NEK7: variants seen among roughly 807,000 people sequenced by gnomAD.
The protein encoded by NEK7 is serine/threonine-protein kinase Nek7.
Under a neutral mutation model 44.6 loss-of-function variants are expected in NEK7, and 18 were observed. The ratio of observed to expected loss-of-function variants is 0.40; its 90% CI spans 0.28 to 0.60. The LOEUF (loss-of-function observed/expected upper bound fraction) is 0.60, where lower values mean the gene tolerates loss of function less well. Ranked by LOEUF, NEK7 falls within the 20% of genes least tolerant of loss-of-function variation. The pLI is 0.38. For synonymous variants in NEK7, 130 were observed against 121.1 expected (o/e 1.07, Z -0.48); for missense variants, 256 against 366.5 (o/e 0.70, Z 2.46).
intron 1 of NEK7, among the ~76,000 whole-genome samples, chr1:198,228,765 T>G (rs537935282): frequency 6.6e-6 from 1 of 152,218 alleles, no homozygotes; most frequent in Non-Finnish European, 1.5e-5. Flanking sequence ...AAGGAGATTT[T>G]GGGCTGAGAC....
intron 1 of NEK7, among the ~76,000 whole-genome samples, chr1:198,228,726 G>T (rs534376740): frequency 6.6e-6 from 1 of 152,272 alleles, no homozygotes; most frequent in East Asian, 1.9e-4. Context: ...TTTGTATCCT[G>T]AGACTTTGCT....
At chr1:198,288,283 T>C (rs979154269) in intron 7 of NEK7, among the ~76,000 whole-genome samples, 1 of 152,240 alleles carries the variant, frequency 6.6e-6, no homozygotes, top group East Asian at 1.9e-4. Context: ...GGAGCTATTA[T>C]CTAATTTTAA....
intron 1 of NEK7, among the ~76,000 whole-genome samples, chr1:198,213,513 T>G (rs1199923576): frequency 6.6e-6 from 1 of 152,162 alleles, no homozygotes; most frequent in African/African-American, 2.4e-5. Context: ...CCTGGAACAC[T>G]TCAGGGTTAC....
At chr1:198,306,170 C>A (rs1043391995) in intron 9 of NEK7, among the ~76,000 whole-genome samples, 1 of 152,036 alleles carries the variant, frequency 6.6e-6, no homozygotes, top group East Asian at 1.9e-4. Flanking sequence ...TGCATAGAGT[C>A]GTTCATAAAT....
At chr1:198,242,656 G>T (rs1269653452) in intron 2 of NEK7, among the ~76,000 whole-genome samples, 1 of 151,178 alleles carries the variant, frequency 6.6e-6, no homozygotes, top group Non-Finnish European at 1.5e-5. Flanking sequence ...TACGGACGGG[G>T]TTTCACTGTG....
At chr1:198,179,798 A>AGTGT (rs10554737) in intron 1 of NEK7, among the ~76,000 whole-genome samples, 2 of 150,818 alleles carry the variant, frequency 1.3e-5, no homozygotes, top group Middle Eastern at 6.9e-3. Context: ...GTTACACAGG[A>AGTGT]GTGTGTGTGT....
At chr1:198,254,632 T>G (rs1018990907) in intron 3 of NEK7, among the ~76,000 whole-genome samples, 7 of 152,192 alleles carry the variant, frequency 4.6e-5, no homozygotes, top group African/African-American at 1.7e-4. Context: ...TTCTCTGATA[T>G]TCTCATGTCT....
chr1:198,259,453 C>T (rs1275698058), intron 3 of NEK7, among the ~76,000 whole-genome samples: 1 of 152,020 alleles, frequency 6.6e-6, no homozygotes, highest in African/African-American at 2.4e-5. Context: ...ACAAAAATAC[C>T]AGGAATTACA....
chr1:198,317,978 C>CTG (rs1174699274), intron 9 of NEK7, among the ~76,000 whole-genome samples: 1 of 133,806 alleles, frequency 7.5e-6, no homozygotes, highest in Admixed American at 8.8e-5. Flanking sequence ...TTGTGTATTG[C>CTG]TGTACCCCTT....
chr1:198,229,911 G>T (rs1339483380), intron 1 of NEK7, among the ~76,000 whole-genome samples: 1 of 151,942 alleles, frequency 6.6e-6, no homozygotes, highest in African/African-American at 2.4e-5. Context: ...ACATTGTCAC[G>T]TATCAGTAGC....
At chr1:198,210,498 G>A (rs1181202358) in intron 1 of NEK7, among the ~76,000 whole-genome samples, 1 of 152,010 alleles carries the variant, frequency 6.6e-6, no homozygotes, top group African/African-American at 2.4e-5. Flanking sequence ...TTTTAAAAAT[G>A]ATAAATGCTT....
At chr1:198,211,792 G>A (rs918145418) in intron 1 of NEK7, among the ~76,000 whole-genome samples, 2 of 152,130 alleles carry the variant, frequency 1.3e-5, no homozygotes, top group African/African-American at 4.8e-5. Flanking sequence ...GTGTGTAAAG[G>A]TTCATGCTGT....
intron 7 of NEK7, among the ~76,000 whole-genome samples, chr1:198,279,495 TA>T (rs1339963060): frequency 6.6e-6 from 1 of 152,010 alleles, no homozygotes; most frequent in Admixed American, 6.6e-5. Flanking sequence ...TAGAAATTAC[TA>T]AAGGAGATCA....
chr1:198,202,197 G>A (rs539108956), intron 1 of NEK7, among the ~76,000 whole-genome samples: 1 of 152,078 alleles, frequency 6.6e-6, no homozygotes, highest in South Asian at 2.1e-4. Context: ...GGATTTAAAT[G>A]TTCACAGGCA....
Position 198,319,543 on chromosome 1 carries a change from T to C in NEK7, c.*21T>C. On this transcript the variant is annotated 3_prime_UTR_variant, in exon 10 of 10. Transcript: ENST00000367385. Reference sequence around the variant, plus strand: ...GCTAAACATGCAAGATCATGAAGAGTGTAACCAAAGTAATTGAAAGTATTT... The same window carrying C: ...GCTAAACATGCAAGATCATGAAGAGCGTAACCAAAGTAATTGAAAGTATTT... 1 of 1,585,028 alleles carries C rather than the reference T, an allele frequency of 6.3e-7. No individual in the cohort carries two copies. Among genetic ancestry groups the C allele is most frequent in the Non-Finnish European group, 8.6e-7 (1 of 1,166,306 alleles).
rs890400359 is a variant in NEK7 at position 198,320,296 on chromosome 1, G to A, written c.*774G>A. The A allele has an allele frequency of 2.0e-5, 3 of 152,120 alleles. No homozygotes were observed. The highest frequency in any genetic ancestry group is 2.1e-4 in the South Asian group (1 of 4,814). The allele number at this position is 152,120 out of a possible 1,614,324, so 9.4% of individuals were successfully genotyped here. A position where few individuals can be genotyped will look rare whatever the true frequency, so the allele number is the denominator to read the frequency against. On this transcript the variant is annotated 3_prime_UTR_variant, in exon 10 of 10. Coordinates refer to ENST00000367385, the MANE Select transcript of NEK7 (RefSeq NM_133494.3). The stretch of plus-strand genomic sequence containing the variant: ...TTGCACATTGCCCAAGGCTTTTTTT[G>A]TGTGTTTTTATTGTTGTTTGTACAT...
chr1:198,206,794 G>T (rs961215756), intron 1 of NEK7: 5 of 151,824 alleles, frequency 3.3e-5, no homozygotes, highest in African/African-American at 7.3e-5. Flanking sequence ...TATTTCTATG[G>T]TTATATGTTA....
chr1:198,286,492 A>C (rs1299418734), intron 7 of NEK7, among the ~76,000 whole-genome samples: 2 of 150,680 alleles, frequency 1.3e-5, no homozygotes, highest in Non-Finnish European at 2.9e-5. Context: ...TCTTGGTGTG[A>C]GGTAGGTCCA....
At chr1:198,281,012 C>A (rs1033819147) in intron 7 of NEK7, among the ~76,000 whole-genome samples, 5 of 151,702 alleles carry the variant, frequency 3.3e-5, no homozygotes, top group Non-Finnish European at 7.4e-5. Flanking sequence ...TCTCTGTGAA[C>A]TGAAGATTTT....
Sources: gnomAD v4.1 joint callset for allele counts (sites outside exome capture counted in the v4.1 genomes callset) on GRCh38, gnomAD v4.1.1 for gene constraint, MANE v1.5 for transcripts, NCBI Gene and HGNC (gene_info 2026-07-23, HGNC 2026-07-21) for gene names.